MAPK10: variants seen among roughly 807,000 people sequenced by gnomAD.
The protein encoded by MAPK10 is JNK3 alpha protein kinase.
In MAPK10, 25 loss-of-function variants were observed where a neutral mutation model predicts 59.3. The ratio of observed to expected loss-of-function variants is 0.42; its 90% CI spans 0.31 to 0.59. MAPK10 has a LOEUF of 0.59. Among genes scored for constraint, MAPK10 ranks in the 20% least tolerant of loss-of-function variants. The pLI is 0.15. For synonymous variants in MAPK10, 190 were observed against 200.5 expected, an observed-to-expected ratio of 0.95 and a Z score of 0.44; for missense variants, 351 against 568.9, an observed-to-expected ratio of 0.62 and a Z score of 3.90.
intron 4 of MAPK10, among the ~76,000 whole-genome samples, chr4:86,158,838 T>A (rs2068645548): frequency 6.6e-6 from 1 of 151,986 alleles, no homozygotes; most frequent in South Asian, 2.1e-4. Flanking sequence ...AATACTACTT[T>A]TTCTAAATCG....
intron 2 of MAPK10, among the ~76,000 whole-genome samples, chr4:86,317,491 C>T (rs2148884438): frequency 6.6e-6 from 1 of 152,220 alleles, no homozygotes; most frequent in East Asian, 1.9e-4. Flanking sequence ...CAGTACAGTG[C>T]CATATTATCT....
chr4:86,521,261 G>A (rs1757084612), intron 1 of MAPK10, among the ~76,000 whole-genome samples: 1 of 152,146 alleles, frequency 6.6e-6, no homozygotes, highest in Non-Finnish European at 1.5e-5. Flanking sequence ...GTGCTTTCAA[G>A]ACAGCATCTA....
chr4:86,299,165 T>C (rs908363416), intron 2 of MAPK10, among the ~76,000 whole-genome samples: 1 of 152,214 alleles, frequency 6.6e-6, no homozygotes. Flanking sequence ...AAAAAAAGCC[T>C]TGTTTTGCAA....
At chr4:86,343,601 C>T (rs1726362520) in intron 2 of MAPK10, among the ~76,000 whole-genome samples, 1 of 152,014 alleles carries the variant, frequency 6.6e-6, no homozygotes, top group Admixed American at 6.6e-5. Context: ...GTTCACGGAC[C>T]CCTGAGTGTC....
intron 1 of MAPK10, among the ~76,000 whole-genome samples, chr4:86,449,953 C>T (rs1750513234): frequency 6.6e-6 from 1 of 152,152 alleles, no homozygotes; most frequent in Non-Finnish European, 1.5e-5. Flanking sequence ...CTGCATTTTG[C>T]CAACAGTCAC....
At chr4:86,386,522 G>T (rs1356849393) in intron 1 of MAPK10, among the ~76,000 whole-genome samples, 2 of 152,052 alleles carry the variant, frequency 1.3e-5, no homozygotes, top group African/African-American at 4.8e-5. Flanking sequence ...ATGAATCTAT[G>T]ACTCTAATCT....
At chr4:86,277,554 T>C (rs2094623945) in intron 2 of MAPK10, among the ~76,000 whole-genome samples, 1 of 152,186 alleles carries the variant, frequency 6.6e-6, no homozygotes, top group South Asian at 2.1e-4. Flanking sequence ...TTAAAGTGCC[T>C]AAGTATTGAG....
At chr4:86,094,154 A>G (rs1262698683) in intron 9 of MAPK10, among the ~76,000 whole-genome samples, 1 of 152,002 alleles carries the variant, frequency 6.6e-6, no homozygotes, top group Non-Finnish European at 1.5e-5. Flanking sequence ...GTAACCACAA[A>G]TTTTTGTTCA....
At chr4:86,093,503 A>G (rs2053636961) in intron 9 of MAPK10, among the ~76,000 whole-genome samples, 1 of 151,992 alleles carries the variant, frequency 6.6e-6, no homozygotes, top group Non-Finnish European at 1.5e-5. Flanking sequence ...TTAGTTAACT[A>G]AGTCATAAAT....
At chr4:86,145,293 C>T (rs1221962167) in intron 4 of MAPK10, among the ~76,000 whole-genome samples, 16 of 86,782 alleles carry the variant, frequency 1.8e-4, no homozygotes, top group Non-Finnish European at 2.4e-4. Flanking sequence ...ACCCGGGAGG[C>T]GGAGCTTGCA....
chr4:86,147,323 T>C (rs1432387900), intron 4 of MAPK10, among the ~76,000 whole-genome samples: 1 of 152,102 alleles, frequency 6.6e-6, no homozygotes, highest in Non-Finnish European at 1.5e-5. Context: ...CCTCCAGTCT[T>C]AAGCGATCTG....
chr4:86,322,538 A>G (rs1177137989), intron 2 of MAPK10, among the ~76,000 whole-genome samples: 2 of 152,214 alleles, frequency 1.3e-5, no homozygotes, highest in African/African-American at 4.8e-5. Context: ...AACTCAAAAG[A>G]GAAGAAGCGA....
intron 1 of MAPK10, among the ~76,000 whole-genome samples, chr4:86,530,375 G>T (rs1353669512): frequency 6.6e-6 from 1 of 152,154 alleles, no homozygotes; most frequent in Admixed American, 6.5e-5. Context: ...TTGCATGAAT[G>T]AATGGATGAG....
intron 1 of MAPK10, among the ~76,000 whole-genome samples, chr4:86,422,490 C>T (rs902418768): frequency 6.6e-6 from 1 of 152,158 alleles, no homozygotes; most frequent in African/African-American, 2.4e-5. Flanking sequence ...GCCAACAAAA[C>T]AAGAAGAAAT....
chr4:86,479,474 CA>C (rs35632643), intron 1 of MAPK10, among the ~76,000 whole-genome samples: 2,032 of 138,374 alleles, frequency 0.015, 21 homozygotes, highest in Middle Eastern at 0.027. Flanking sequence ...CACCCCCCAC[CA>C]AAAAAAAAAA....
At chr4:86,324,006 A>G (rs1049179749) in intron 2 of MAPK10, among the ~76,000 whole-genome samples, 7 of 152,210 alleles carry the variant, frequency 4.6e-5, no homozygotes, top group Non-Finnish European at 8.8e-5. Context: ...TCTAAATAGT[A>G]TAATAAAACT....
intron 1 of MAPK10, among the ~76,000 whole-genome samples, chr4:86,391,463 T>C (rs949582404): frequency 6.6e-6 from 1 of 152,204 alleles, no homozygotes. Flanking sequence ...TGAAGAATAA[T>C]AGAACCATCA....
At chr4:86,322,071 C>T (rs887283655) in intron 2 of MAPK10, 2 of 152,058 alleles carry the variant, frequency 1.3e-5, no homozygotes, top group African/African-American at 4.8e-5. Context: ...CCACTGTAAT[C>T]AAATATTCAT....
intron 2 of MAPK10, among the ~76,000 whole-genome samples, chr4:86,256,594 C>CA (rs199996523): frequency 0.014 from 2,125 of 152,022 alleles, 56 homozygotes; most frequent in African/African-American, 0.048. Flanking sequence ...TTTTTCTGAG[C>CA]AAATAGCCAC....
Sources: allele counts gnomAD v4.1 joint callset (sites outside exome capture counted in the v4.1 genomes callset), GRCh38; gene constraint gnomAD v4.1.1; transcripts MANE v1.5; gene names NCBI Gene and HGNC (gene_info 2026-07-23, HGNC 2026-07-21).